The following KCNMB2 variants were observed in gnomAD, a reference collection of about 807,000 sequenced individuals.
The protein encoded by KCNMB2 is calcium-activated potassium channel subunit beta-2.
KCNMB2 carries 9 observed loss-of-function variants against 24.5 expected under a neutral mutation model. The ratio of observed to expected loss-of-function variants is 0.37; its 90% CI spans 0.22 to 0.64. The LOEUF is 0.64. KCNMB2 is among the 30% of genes least tolerant of loss of function. The probability of loss-of-function intolerance (pLI) is 0.63; values close to 1 mark genes in which losing one functional copy is unlikely to be tolerated. For missense variants in KCNMB2, 226 were observed against 284.3 expected (o/e 0.79, Z 1.47); for synonymous variants, 109 against 104.4 (o/e 1.04, Z -0.27).
chr3:178,669,556 A>G (rs1169070801), intron 1 of KCNMB2, among the ~76,000 whole-genome samples: 1 of 152,096 alleles, frequency 6.6e-6, no homozygotes, highest in East Asian at 1.9e-4. Flanking sequence ...GCCTCACCTA[A>G]TCAACCTCAC....
At chr3:178,642,811 T>C (rs541688183) in intron 1 of KCNMB2, among the ~76,000 whole-genome samples, 11 of 152,236 alleles carry the variant, frequency 7.2e-5, no homozygotes, top group Non-Finnish European at 1.6e-4. Context: ...TCTTATTTGA[T>C]CTACTTCTTC....
At chr3:178,691,004 C>G (rs1721651104) in intron 1 of KCNMB2, among the ~76,000 whole-genome samples, 1 of 151,552 alleles carries the variant, frequency 6.6e-6, no homozygotes, top group Non-Finnish European at 1.5e-5. Flanking sequence ...GTGGTGTAAT[C>G]TCAACTCACT....
chr3:178,813,949 G>A (rs957722332), intron 2 of KCNMB2, among the ~76,000 whole-genome samples: 3 of 87,296 alleles, frequency 3.4e-5, no homozygotes, highest in African/African-American at 1.1e-4. Context: ...ACTTCACTAC[G>A]TTGTTGTTGT....
In KCNMB2 at chr3:178,641,094, C is replaced by T. The variant is rs572705793; in HGVS notation, c.-68+104383C>T. On this transcript the variant is annotated intron_variant, in intron 1 of 4. Transcript: ENST00000452583. ...TACCAATACTACACTGTCATGATTT[C>T]TTTAACTTTACATTAATTTTTGAAA... Among the ~76,000 whole-genome samples the T allele has an allele frequency of 5.3e-5, 8 of 152,210 alleles. No homozygotes were observed. The East Asian group carries it at 1.5e-3, about 29-fold the overall frequency.
intron 1 of KCNMB2, among the ~76,000 whole-genome samples, chr3:178,761,763 A>T (rs1443147135): frequency 6.6e-6 from 1 of 152,238 alleles, no homozygotes; most frequent in East Asian, 1.9e-4. Context: ...TAAAAAAAAT[A>T]TAGACAATGT....
rs553595102 is a variant in KCNMB2, at chr3:178,623,498, TTGACTCA to T, written c.-68+86790_-68+86796del. 4.0e-3 allele frequency among the ~76,000 whole-genome samples: 612 copies of T among 152,314 alleles called. 4 individuals carry two copies. Among genetic ancestry groups the T allele is most frequent in the Admixed American group, 9.5e-3 (145 of 15,302 alleles). On this transcript the variant is annotated intron_variant, in intron 1 of 4. Coordinates refer to ENST00000452583, the MANE Select transcript of KCNMB2 (RefSeq NM_181361.3). ...GAACTCTTAACTAAATAATATTCAG[TTGACTCA>T]TGTGTGATTTAGAAAATATTTTGAT... is the stretch of plus-strand genomic sequence containing the variant.
intron 1 of KCNMB2, among the ~76,000 whole-genome samples, chr3:178,553,183 G>A (rs767476205): frequency 5.3e-5 from 8 of 152,174 alleles, no homozygotes; most frequent in Non-Finnish European, 1.0e-4. Flanking sequence ...TTCATCTAAA[G>A]TCAGTTAAGA....
intron 1 of KCNMB2, among the ~76,000 whole-genome samples, chr3:178,746,177 G>A (rs1443917365): frequency 2.0e-5 from 3 of 152,190 alleles, no homozygotes; most frequent in African/African-American, 7.2e-5. Flanking sequence ...TGGACACCCA[G>A]GTGTTTCCAT....
chr3:178,834,918 G>C (rs1034673081), intron 4 of KCNMB2, among the ~76,000 whole-genome samples: 2 of 152,010 alleles, frequency 1.3e-5, no homozygotes, highest in Middle Eastern at 3.4e-3. Flanking sequence ...AAAAGCGGGG[G>C]AAGGAACCTA....
At chr3:178,728,417 C>A (rs1419258047) in intron 1 of KCNMB2, among the ~76,000 whole-genome samples, 5 of 152,108 alleles carry the variant, frequency 3.3e-5, no homozygotes, top group Non-Finnish European at 7.4e-5. Context: ...AATGCAGTTT[C>A]TTATTTTTCA....
chr3:178,683,242 G>C (rs35796449), intron 1 of KCNMB2, among the ~76,000 whole-genome samples: 49,370 of 151,622 alleles, frequency 0.33, 8,692 homozygotes, highest in African/African-American at 0.46. Context: ...AATACCGCAT[G>C]TTCTCAGTTG....
intron 1 of KCNMB2, among the ~76,000 whole-genome samples, chr3:178,575,025 G>A (rs545563232): frequency 2.1e-4 from 32 of 152,186 alleles, no homozygotes; most frequent in East Asian, 3.9e-4. Flanking sequence ...CCAAGATCAC[G>A]CCACTGCACT....
intron 1 of KCNMB2, among the ~76,000 whole-genome samples, chr3:178,785,764 T>C (rs1323458450): frequency 6.6e-6 from 1 of 152,106 alleles, no homozygotes. Flanking sequence ...TACACCCATA[T>C]AAAGTTAAAA....
chr3:178,719,820 C>T (rs1183913079), intron 1 of KCNMB2, among the ~76,000 whole-genome samples: 1 of 152,092 alleles, frequency 6.6e-6, no homozygotes, highest in African/African-American at 2.4e-5. Flanking sequence ...TCACCACAAT[C>T]AGGATACACT....
chr3:178,695,001 G>A (rs1226959189), intron 1 of KCNMB2, among the ~76,000 whole-genome samples: 1 of 152,174 alleles, frequency 6.6e-6, no homozygotes, highest in Non-Finnish European at 1.5e-5. Context: ...TCTCCATGAG[G>A]GCTCCACCCC....
intron 1 of KCNMB2, among the ~76,000 whole-genome samples, chr3:178,777,902 G>C (rs1712648900): frequency 6.6e-6 from 1 of 152,132 alleles, no homozygotes; most frequent in South Asian, 2.1e-4. Context: ...CCAGTGATGA[G>C]TAAAATACAG....
intron 1 of KCNMB2, among the ~76,000 whole-genome samples, chr3:178,789,768 G>A (rs1372734724): frequency 6.6e-6 from 1 of 152,090 alleles, no homozygotes; most frequent in Non-Finnish European, 1.5e-5. Flanking sequence ...GTTCCAGCTA[G>A]CTCCATCACT....
At chr3:178,557,028 G>A (rs1716147542) in intron 1 of KCNMB2, among the ~76,000 whole-genome samples, 2 of 152,206 alleles carry the variant, frequency 1.3e-5, no homozygotes, top group African/African-American at 4.8e-5. Context: ...TTGCAGGTTT[G>A]AGGGAAGGAG....
intron 1 of KCNMB2, among the ~76,000 whole-genome samples, chr3:178,777,119 T>C (rs753348982): frequency 2.0e-5 from 3 of 152,110 alleles, no homozygotes; most frequent in Non-Finnish European, 4.4e-5. Flanking sequence ...TGAAGAATAA[T>C]TGTAGTTATA....
Sources: gnomAD v4.1 joint callset for allele counts (sites outside exome capture counted in the v4.1 genomes callset) on GRCh38, gnomAD v4.1.1 for gene constraint, MANE v1.5 for transcripts, NCBI Gene and HGNC (gene_info 2026-07-23, HGNC 2026-07-21) for gene names.